Variants in HS3ST4 observed in about 807,000 individuals in gnomAD.
The protein encoded by HS3ST4 is heparan sulfate-glucosamine 3-sulfotransferase 4.
In HS3ST4, 17 loss-of-function variants were observed where a neutral mutation model predicts 29.2. That is an observed-to-expected ratio of 0.58 (90% CI 0.40 to 0.87). HS3ST4 has a LOEUF of 0.87. Ranked by LOEUF, HS3ST4 falls within the 40% of genes least tolerant of loss-of-function variation. The pLI, the probability that HS3ST4 is intolerant of heterozygous loss-of-function variation, is 0.00. For synonymous variants in HS3ST4, 314 were observed against 285.7 expected (o/e 1.10, Z -1.00); for missense variants, 627 against 634.5 (o/e 0.99, Z 0.13).
chr16:25,857,374 T>C (rs1439277748), intron 1 of HS3ST4, among the ~76,000 whole-genome samples: 4 of 152,202 alleles, frequency 2.6e-5, no homozygotes, highest in Non-Finnish European at 5.9e-5. Context: ...TCAACTTTTC[T>C]GTTGTTGGAA....
At chr16:25,855,941 CT>C (rs1316214421) in intron 1 of HS3ST4, among the ~76,000 whole-genome samples, 2 of 152,040 alleles carry the variant, frequency 1.3e-5, no homozygotes, top group East Asian at 3.9e-4. Context: ...AGAGAATGCC[CT>C]TTCCCCAGCT....
chr16:25,703,740 C>G (rs1211201345), intron 1 of HS3ST4, among the ~76,000 whole-genome samples: 1 of 152,160 alleles, frequency 6.6e-6, no homozygotes, highest in Non-Finnish European at 1.5e-5. Flanking sequence ...AGCTCATTCC[C>G]CCTTTAGGGC....
At position 26,137,125 on chromosome 16, in the gene HS3ST4, C is replaced by T. The variant is rs867903504; in HGVS notation, c.*877C>T. On this transcript the variant is annotated 3_prime_UTR_variant, in exon 2 of 2. Coordinates refer to ENST00000331351, the MANE Select transcript of HS3ST4 (RefSeq NM_006040.3). The stretch of plus-strand genomic sequence containing the variant: ...CATATCTGGGGGTAAAAGAAGAAAT[C>T]CTGTCCTCTTGGTGGGAGGTTACCT... 2 of 152,098 alleles carry T rather than the reference C, an allele frequency of 1.3e-5. No individual in the cohort carries two copies. The highest frequency in any genetic ancestry group is 6.6e-5 in the Admixed American group (1 of 15,264). The allele number at this position is 152,098 out of a possible 1,614,324, so 9.4% of individuals were successfully genotyped here. A position where few individuals can be genotyped will look rare whatever the true frequency, so the allele number is the denominator to read the frequency against.
At chr16:25,974,301 T>G (rs1441231043) in intron 1 of HS3ST4, among the ~76,000 whole-genome samples, 1 of 152,200 alleles carries the variant, frequency 6.6e-6, no homozygotes, top group African/African-American at 2.4e-5. Context: ...CAGGATCATT[T>G]GTCTCTGAAG....
chr16:25,981,579 C>T lies in HS3ST4; in HGVS notation c.735-154033C>T, dbSNP rs190125599. On this transcript the variant is annotated intron_variant, in intron 1 of 1. Transcript: ENST00000331351. ...ATCACACCTGGAACAGTATACCTTT[C>T]CATCATACTGCTGATGTAATGGTGG... Among the ~76,000 whole-genome samples, 711 of 150,374 alleles carry T rather than the reference C, an allele frequency of 4.7e-3. 9 individuals carry two copies. Among genetic ancestry groups the T allele is most frequent in the African/African-American group, 0.017 (676 of 40,918 alleles).
At chr16:25,876,538 C>T (rs1458465389) in intron 1 of HS3ST4, among the ~76,000 whole-genome samples, 2 of 152,104 alleles carry the variant, frequency 1.3e-5, no homozygotes, top group Non-Finnish European at 2.9e-5. Flanking sequence ...GGAATTCATA[C>T]TCCTCTTTCA....
At chr16:26,053,415 C>A (rs1483131028) in intron 1 of HS3ST4, among the ~76,000 whole-genome samples, 1 of 152,144 alleles carries the variant, frequency 6.6e-6, no homozygotes, top group African/African-American at 2.4e-5. Flanking sequence ...ACAGCAACTT[C>A]CAGAAGATTT....
intron 1 of HS3ST4, among the ~76,000 whole-genome samples, chr16:26,113,134 G>A (rs1899154447): frequency 6.6e-6 from 1 of 152,094 alleles, no homozygotes; most frequent in Non-Finnish European, 1.5e-5. Flanking sequence ...CACAAGAATT[G>A]ATTTTGTTTA....
chr16:25,870,475 G>T (rs1967739115), intron 1 of HS3ST4, among the ~76,000 whole-genome samples: 1 of 152,102 alleles, frequency 6.6e-6, no homozygotes. Context: ...TCAAATAGTT[G>T]TCCTTAGGAA....
intron 1 of HS3ST4, among the ~76,000 whole-genome samples, chr16:25,998,875 G>A (rs986377269): frequency 5.3e-5 from 8 of 152,134 alleles, no homozygotes; most frequent in Non-Finnish European, 1.2e-4. Context: ...TTCTCTCTGA[G>A]CAATTATTAT....
At chr16:25,916,882 T>C (rs932357604) in intron 1 of HS3ST4, among the ~76,000 whole-genome samples, 4 of 151,778 alleles carry the variant, frequency 2.6e-5, no homozygotes, top group Admixed American at 2.6e-4. Context: ...GGTTTCACCG[T>C]GTTAGCCAGG....
In HS3ST4 at chr16:26,134,362, C is replaced by CTTTTCTTTTTTTT. The variant is rs750289979; in HGVS notation, c.735-1246_735-1245insCTTTTTTTTTTTT. 1.0e-4 allele frequency among the ~76,000 whole-genome samples: 8 copies of CTTTTCTTTTTTTT among 76,814 alleles called. No individual in the cohort carries two copies. The East Asian group carries it at 1.6e-3, about 15-fold the overall frequency. The allele number at this position is 76,814 out of a possible 152,430, so 50.4% of individuals were successfully genotyped here. A position where few individuals can be genotyped will look rare whatever the true frequency, so the allele number is the denominator to read the frequency against. On this transcript the variant is annotated intron_variant, in intron 1 of 1. Transcript: ENST00000331351. The stretch of plus-strand genomic sequence containing the variant: ...CTTTTCTTTTCTTTTCTTTTCTTTT[C>CTTTTCTTTTTTTT]TTTTTTTTTTTTTTGATTGAGATGG...
chr16:26,041,117 C>T (rs1232083180), intron 1 of HS3ST4, among the ~76,000 whole-genome samples: 2 of 152,116 alleles, frequency 1.3e-5, no homozygotes, highest in East Asian at 3.9e-4. Flanking sequence ...GTGGGAGGAT[C>T]ACTTGAGACC....
At chr16:25,978,944 T>TTTTG (rs1555476135) in intron 1 of HS3ST4, among the ~76,000 whole-genome samples, 2 of 148,480 alleles carry the variant, frequency 1.3e-5, no homozygotes, top group Admixed American at 6.7e-5. Context: ...CTCTTTTTGT[T>TTTTG]TTTTTTTTTT....
intron 1 of HS3ST4, among the ~76,000 whole-genome samples, chr16:25,860,217 G>A (rs1967622772): frequency 6.6e-6 from 1 of 152,194 alleles, no homozygotes; most frequent in Non-Finnish European, 1.5e-5. Flanking sequence ...CCAAATGCTG[G>A]TGAGGATGTG....
intron 1 of HS3ST4, among the ~76,000 whole-genome samples, chr16:26,001,332 G>T (rs1007320469): frequency 1.3e-5 from 2 of 152,158 alleles, no homozygotes; most frequent in African/African-American, 4.8e-5. Context: ...ATGCATGCAT[G>T]TCTATGTGAA....
intron 1 of HS3ST4, among the ~76,000 whole-genome samples, chr16:25,756,164 A>G (rs1416810966): frequency 6.6e-6 from 1 of 151,470 alleles, no homozygotes; most frequent in African/African-American, 2.4e-5. Context: ...GCACACACAC[A>G]CACACACACA....
At chr16:25,933,376 T>A (rs776645316) in intron 1 of HS3ST4, 1 of 517,298 alleles carries the variant, frequency 1.9e-6, no homozygotes, top group South Asian at 1.4e-5. Context: ...AAACATAATC[T>A]CAAACAGAGG....
Position 26,135,896 on chromosome 16 carries a change from TG to T in HS3ST4, c.1021del (p.Glu341LysfsTer35). 1 of 1,613,984 alleles carries T rather than the reference TG, an allele frequency of 6.2e-7. No homozygotes were observed. Among genetic ancestry groups the T allele is most frequent in the Non-Finnish European group, 8.5e-7 (1 of 1,179,876 alleles). ...AIRIGIYALHLENWLQYFPLS... is the reference protein window; with the variant it reads ...AIRIGIYALHXENWLQYFPLS... ...CGAATAGGGATCTATGCGCTGCATC[TG>T]GAAAACTGGCTCCAGTATTTCCCCC... On this transcript the variant is annotated frameshift_variant, in exon 2 of 2. Transcript: ENST00000331351. LOFTEE classifies it high-confidence loss of function.
Sources: gnomAD v4.1 joint callset for allele counts (sites outside exome capture counted in the v4.1 genomes callset) on GRCh38, gnomAD v4.1.1 for gene constraint, MANE v1.5 for transcripts, NCBI Gene and HGNC (gene_info 2026-07-23, HGNC 2026-07-21) for gene names.